The following SP140L variants were observed in gnomAD, a reference collection of about 807,000 sequenced individuals.
SP140L encodes SP140 like nuclear body protein, also known as nuclear body protein SP140-like protein.
SP140L carries 64 observed loss-of-function variants against 84.3 expected under a neutral mutation model. The ratio of observed to expected loss-of-function variants is 0.76; its 90% CI spans 0.62 to 0.94. The LOEUF (loss-of-function observed/expected upper bound fraction) is 0.94, where lower values mean the gene tolerates loss of function less well. Ranked by LOEUF, SP140L falls within the 40% of genes least tolerant of loss-of-function variation. The probability of loss-of-function intolerance (pLI) is 0.00; values close to 1 mark genes in which losing one functional copy is unlikely to be tolerated. For missense variants in SP140L, 628 were observed against 692.5 expected, an observed-to-expected ratio of 0.91 and a Z score of 1.05; for synonymous variants, 242 against 236.9, an observed-to-expected ratio of 1.02 and a Z score of -0.20.
chr2:230,377,808 A>G (rs188236433), intron 7 of SP140L, among the ~76,000 whole-genome samples: 2 of 152,134 alleles, frequency 1.3e-5, no homozygotes, highest in East Asian at 1.9e-4. Flanking sequence ...AATACTTGAT[A>G]GTGTTAGTAA....
At chr2:230,368,165 G>T (rs2060946422) in intron 5 of SP140L, among the ~76,000 whole-genome samples, 1 of 152,034 alleles carries the variant, frequency 6.6e-6, no homozygotes, top group Admixed American at 6.5e-5. Context: ...CAGGTCTAGT[G>T]GTAATGAACT....
At chr2:230,385,158 T>C in intron 8 of SP140L, 66 bp from the exon 9 acceptor site, 1 of 1,522,434 alleles carries the variant, frequency 6.6e-7, no homozygotes, top group Non-Finnish European at 9.0e-7. Flanking sequence ...CACTTGCGTT[T>C]GGTCCAGCCT....
chr2:230,373,243 T>C (rs952547510), intron 7 of SP140L, among the ~76,000 whole-genome samples: 3 of 152,126 alleles, frequency 2.0e-5, no homozygotes, highest in Non-Finnish European at 2.9e-5. Flanking sequence ...ACTGATAGAG[T>C]TGGCAACACT....
intron 3 of SP140L, among the ~76,000 whole-genome samples, chr2:230,358,536 TCA>T (rs2060617622): frequency 6.6e-6 from 1 of 152,172 alleles, no homozygotes; most frequent in Admixed American, 6.5e-5. Flanking sequence ...GTGGCCAAGT[TCA>T]CAGCAAGGGG....
intron 7 of SP140L, among the ~76,000 whole-genome samples, chr2:230,374,568 A>G (rs965356001): frequency 6.6e-6 from 1 of 152,222 alleles, no homozygotes; most frequent in African/African-American, 2.4e-5. Flanking sequence ...ATAGCTTTAC[A>G]TGTTACAGAG....
chr2:230,371,937 G>A lies in SP140L; in HGVS notation c.637+286G>A, dbSNP rs1423486884. 1.2e-5 allele frequency: 4 copies of A among 341,956 alleles called. No individual in the cohort carries two copies. In the East Asian group the frequency reaches 2.7e-4, roughly 23 times the overall value. 21.2% of individuals were successfully genotyped at this position (341,956 alleles called of 1,614,324 possible). The stretch of plus-strand genomic sequence containing the variant: ...AATCTAATCTTGTAGGCTTTAAAGA[G>A]TGGAGAACTTTTCCTGGCTGTGGAG... On this transcript the variant is annotated intron_variant, in intron 7 of 18. Coordinates refer to ENST00000415673, the MANE Select transcript of SP140L (RefSeq NM_138402.6).
intron 9 of SP140L, among the ~76,000 whole-genome samples, chr2:230,385,694 G>A (rs1331974266): frequency 6.6e-6 from 1 of 152,162 alleles, no homozygotes; most frequent in Non-Finnish European, 1.5e-5. Flanking sequence ...TCGCTTTCCT[G>A]TTCCCTTTTC....
intron 2 of SP140L, among the ~76,000 whole-genome samples, chr2:230,357,236 T>G (rs945720405): frequency 6.6e-6 from 1 of 152,218 alleles, no homozygotes; most frequent in African/African-American, 2.4e-5. Flanking sequence ...GAGATATCAC[T>G]GATATTCTCA....
chr2:230,386,267 G>A (rs1159877843), intron 9 of SP140L, among the ~76,000 whole-genome samples: 1 of 152,006 alleles, frequency 6.6e-6, no homozygotes, highest in African/African-American at 2.4e-5. Context: ...TACTTGCTTG[G>A]GACTTTCTCA....
chr2:230,344,555 G>A (rs1351124510), intron 2 of SP140L, among the ~76,000 whole-genome samples: 1 of 152,150 alleles, frequency 6.6e-6, no homozygotes, highest in Non-Finnish European at 1.5e-5. Flanking sequence ...ATTTGATCCT[G>A]CCACCATGAT....
At chr2:230,393,710 T>C (rs76585731) in intron 13 of SP140L, among the ~76,000 whole-genome samples, 26,185 of 152,154 alleles carry the variant, frequency 0.17, 2,515 homozygotes, top group South Asian at 0.39. Flanking sequence ...AAAACAAACC[T>C]CCTGAATGTG....
At chr2:230,329,207 GTTC>G (rs1350790962) in intron 2 of SP140L, among the ~76,000 whole-genome samples, 3 of 152,158 alleles carry the variant, frequency 2.0e-5, no homozygotes, top group Admixed American at 6.5e-5. Context: ...TTTTAAAGTC[GTTC>G]TTCTGTTAAG....
chr2:230,359,189 A>G (rs139861906), intron 4 of SP140L, 57 bp downstream of exon 4: 43 of 1,499,854 alleles, frequency 2.9e-5, no homozygotes, highest in Middle Eastern at 1.7e-4. Context: ...TTCAATAAGC[A>G]TATGTTTGAG....
chr2:230,334,078 C>T (rs1313629937), intron 2 of SP140L, among the ~76,000 whole-genome samples: 1 of 152,210 alleles, frequency 6.6e-6, no homozygotes, highest in African/African-American at 2.4e-5. Context: ...TGTCCATTCA[C>T]ATTTCAGAAC....
At chr2:230,335,194 A>G (rs897676983) in intron 2 of SP140L, among the ~76,000 whole-genome samples, 1 of 151,978 alleles carries the variant, frequency 6.6e-6, no homozygotes, top group Non-Finnish European at 1.5e-5. Context: ...TAACATTTTT[A>G]TATTTTTCTA....
chr2:230,359,962 G>A (rs879335015), intron 4 of SP140L, among the ~76,000 whole-genome samples: 1 of 152,090 alleles, frequency 6.6e-6, no homozygotes, highest in South Asian at 2.1e-4. Context: ...CTAAAGTTTG[G>A]TATTGGTGCT....
intron 4 of SP140L, 64 bp downstream of exon 4, chr2:230,359,196 T>G (rs1318531070): frequency 7.0e-7 from 1 of 1,420,094 alleles, no homozygotes; most frequent in Non-Finnish European, 9.9e-7. Flanking sequence ...AGCATATGTT[T>G]GAGCTCCTAC....
At chr2:230,348,134 C>A (rs1054052848) in intron 2 of SP140L, among the ~76,000 whole-genome samples, 1 of 152,218 alleles carries the variant, frequency 6.6e-6, no homozygotes, top group African/African-American at 2.4e-5. Context: ...GGAAAACCCT[C>A]TTGATATGGC....
At chr2:230,401,279 G>A in intron 16 of SP140L, 87 bp from the exon 17 acceptor site, 1 of 1,604,612 alleles carries the variant, frequency 6.2e-7, no homozygotes. Flanking sequence ...ACTTGAGGAA[G>A]AAGGGTGTGA....
Sources: allele counts gnomAD v4.1 joint callset (sites outside exome capture counted in the v4.1 genomes callset), GRCh38; gene constraint gnomAD v4.1.1; transcripts MANE v1.5; gene names NCBI Gene and HGNC (gene_info 2026-07-23, HGNC 2026-07-21).